The following TEX11 variants were observed in gnomAD, a reference collection of about 807,000 sequenced individuals.
The protein encoded by TEX11 is testis expressed 11, also known as testis-expressed protein 11.
A neutral mutation model predicts 84.4 loss-of-function variants in TEX11; 7 were observed. That is an observed-to-expected ratio of 0.08 (90% confidence interval 0.05 to 0.16). TEX11 has a LOEUF of 0.16. Among genes scored for constraint, TEX11 ranks in the 10% least tolerant of loss-of-function variants. The probability of loss-of-function intolerance (pLI) is 1.00; values close to 1 mark genes in which losing one functional copy is unlikely to be tolerated. For missense variants in TEX11, 551 were observed against 660.5 expected (o/e 0.83, Z 1.82); for synonymous variants, 264 against 222.8 (o/e 1.18, Z -1.64).
At chrX:70,882,177 T>C (rs1228665231) in intron 2 of TEX11, among the ~76,000 whole-genome samples, 1 of 111,488 alleles carries the variant, frequency 9.0e-6, no homozygotes, top group African/African-American at 3.3e-5. Context: ...TATATTTATA[T>C]AGCCCTTACT....
At chrX:70,525,676 A>T (rs957608318), downstream of TEX11, among the ~76,000 whole-genome samples, 4 of 111,895 alleles carry the variant, frequency 3.6e-5, no homozygotes, top group African/African-American at 9.7e-5. Flanking sequence ...CATGGAGCTT[A>T]AAGACTATTG....
At chrX:70,593,161 A>C (rs2088959256) in intron 24 of TEX11, among the ~76,000 whole-genome samples, 1 of 110,486 alleles carries the variant, frequency 9.1e-6, no homozygotes, top group Non-Finnish European at 1.9e-5. Context: ...TGTGCTACCA[A>C]TAGAAGAAGG....
intron 28 of TEX11, among the ~76,000 whole-genome samples, chrX:70,547,979 T>G (rs929173752): frequency 2.7e-5 from 3 of 111,914 alleles, no homozygotes; most frequent in Non-Finnish European, 5.6e-5. Context: ...CGTATGTTTA[T>G]TGCAGCGCTG....
intron 9 of TEX11, among the ~76,000 whole-genome samples, chrX:70,765,015 A>G (rs780175944): frequency 8.9e-6 from 1 of 112,170 alleles, no homozygotes; most frequent in East Asian, 2.8e-4. Context: ...AGATGCATCA[A>G]AAAAAGAAAA....
intron 4 of TEX11, among the ~76,000 whole-genome samples, chrX:70,863,433 G>C (rs2091581329): frequency 1.8e-5 from 2 of 112,036 alleles, no homozygotes; most frequent in Admixed American, 1.9e-4. Context: ...CAGGTGAACA[G>C]GGTCTGGAGT....
At chrX:70,874,463 G>A (rs112120081) in intron 3 of TEX11, among the ~76,000 whole-genome samples, 12,981 of 92,985 alleles carry the variant, frequency 0.14, 846 homozygotes, top group Middle Eastern at 0.31. Flanking sequence ...GTGCAATGGC[G>A]TGATCTCGGC....
intron 9 of TEX11, among the ~76,000 whole-genome samples, chrX:70,792,125 C>CAA (rs57717581): frequency 0.022 from 1,367 of 61,693 alleles, 31 homozygotes; most frequent in South Asian, 0.035. Context: ...AACTCCGTCT[C>CAA]AAAAAAAAAA....
At chrX:70,628,717 G>T (rs980330164) in intron 18 of TEX11, among the ~76,000 whole-genome samples, 4 of 112,050 alleles carry the variant, frequency 3.6e-5, no homozygotes, top group Non-Finnish European at 7.5e-5. Flanking sequence ...AGTGAGAAGG[G>T]TAATAGAACT....
chrX:70,569,540 T>C (rs113049195), intron 25 of TEX11, among the ~76,000 whole-genome samples: 8,564 of 111,064 alleles, frequency 0.077, 416 homozygotes, highest in Admixed American at 0.24. Flanking sequence ...TGTGGTTTTA[T>C]CTACTTTTGG....
chrX:70,691,236 C>G (rs577350519), intron 13 of TEX11, among the ~76,000 whole-genome samples: 2 of 111,535 alleles, frequency 1.8e-5, no homozygotes, highest in South Asian at 3.8e-4. Flanking sequence ...GGTACAGCCA[C>G]TATGGAAAAT....
intron 2 of TEX11, among the ~76,000 whole-genome samples, chrX:70,897,957 G>T (rs60584808): frequency 0.057 from 6,397 of 111,350 alleles, 449 homozygotes; most frequent in African/African-American, 0.2. Context: ...ACTTGGCCAA[G>T]ATCAAAGCTA....
intron 2 of TEX11, among the ~76,000 whole-genome samples, chrX:70,890,978 G>A (rs1284705891): frequency 8.9e-6 from 1 of 112,015 alleles, no homozygotes; most frequent in East Asian, 2.8e-4. Context: ...TCTCATACAG[G>A]CGGGTGCCCC....
chrX:70,838,289 G>A (rs1258247381), intron 7 of TEX11, among the ~76,000 whole-genome samples: 2 of 110,702 alleles, frequency 1.8e-5, no homozygotes, highest in African/African-American at 6.6e-5. Context: ...CATGGTGGCG[G>A]CTGTCTGTAG....
At chrX:70,900,056 A>G (rs2091793758) in intron 2 of TEX11, among the ~76,000 whole-genome samples, 1 of 106,053 alleles carries the variant, frequency 9.4e-6, no homozygotes, top group Non-Finnish European at 1.9e-5. Context: ...CTGTAATCCC[A>G]GCTACTTGGG....
intron 8 of TEX11, among the ~76,000 whole-genome samples, chrX:70,812,448 C>A (rs1269845029): frequency 9.0e-6 from 1 of 110,791 alleles, no homozygotes; most frequent in African/African-American, 3.3e-5. Flanking sequence ...ACCTCGTGAT[C>A]TGCCCGTCTC....
At chrX:70,578,790 G>A (rs1245471045) in intron 25 of TEX11, among the ~76,000 whole-genome samples, 95 of 63,111 alleles carry the variant, frequency 1.5e-3, no homozygotes, top group Non-Finnish European at 2.4e-3. Context: ...TTTTTTTTGA[G>A]ACAGAGTTTT....
chrX:70,532,687 T>C (rs778710661), intron 28 of TEX11, among the ~76,000 whole-genome samples: 11 of 110,931 alleles, frequency 9.9e-5, no homozygotes, highest in Admixed American at 6.7e-4. Flanking sequence ...TGAGCCAAGA[T>C]TGTGCCATTG....
chrX:70,524,399 T>A (rs1356858723), downstream of TEX11, among the ~76,000 whole-genome samples: 1 of 112,383 alleles, frequency 8.9e-6, no homozygotes, highest in Non-Finnish European at 1.9e-5. Context: ...CAGTGTTTTA[T>A]CGTATACTTG....
At chrX:70,750,167 A>C (rs1438984077) in intron 9 of TEX11, among the ~76,000 whole-genome samples, 3 of 112,063 alleles carry the variant, frequency 2.7e-5, no homozygotes. Context: ...AAGATACGTG[A>C]AAAAATGCTC....
Sources: allele counts gnomAD v4.1 joint callset (sites outside exome capture counted in the v4.1 genomes callset), GRCh38; gene constraint gnomAD v4.1.1; transcripts MANE v1.5; gene names NCBI Gene and HGNC (gene_info 2026-07-23, HGNC 2026-07-21).